Variants in CCDC171 observed in about 807,000 individuals in gnomAD.
CCDC171 encodes coiled-coil domain containing 171, also known as coiled-coil domain-containing protein 171.
Under a neutral mutation model 168.2 loss-of-function variants are expected in CCDC171, and 177 were observed. The ratio of observed to expected loss-of-function variants is 1.05; its 90% CI spans 0.93 to 1.19. The LOEUF (loss-of-function observed/expected upper bound fraction) is 1.19, where lower values mean the gene tolerates loss of function less well. CCDC171 is among the 50% of genes most tolerant of loss of function. The pLI, the probability that CCDC171 is intolerant of heterozygous loss-of-function variation, is 0.00. For synonymous variants in CCDC171, 687 were observed against 540.8 expected (o/e 1.27, Z -3.75); for missense variants, 1,991 against 1,539.0 (o/e 1.29, Z -4.91).
At chr9:15,959,920 G>T (rs1410437407) in intron 25 of CCDC171, among the ~76,000 whole-genome samples, 1 of 152,134 alleles carries the variant, frequency 6.6e-6, no homozygotes, top group East Asian at 1.9e-4. Flanking sequence ...ATGACAGAAA[G>T]GGAAGGATGG....
In CCDC171 at chr9:15,775,147, G is replaced by A. The variant is rs1032165587; in HGVS notation, c.2672-2453G>A. 7.2e-4 allele frequency among the ~76,000 whole-genome samples: 109 copies of A among 152,120 alleles called. 1 individual carries two copies. Among genetic ancestry groups the A allele is most frequent in the African/African-American group, 2.4e-3 (100 of 41,414 alleles). On this transcript the variant is annotated intron_variant, in intron 18 of 25. Transcript: ENST00000380701. ...TGTACTGTATAATGTGAACTATATT[G>A]TAAAAACACTTCTTATTATAGCATA...
chr9:15,920,984 C>A (rs1001166787), intron 25 of CCDC171, among the ~76,000 whole-genome samples: 1 of 151,244 alleles, frequency 6.6e-6, no homozygotes, highest in South Asian at 2.1e-4. Context: ...AATTTCTCTA[C>A]TTGAAATATA....
At chr9:15,888,857 AAT>A (rs1312690483) in intron 24 of CCDC171, 1 of 151,902 alleles carries the variant, frequency 6.6e-6, no homozygotes, top group African/African-American at 2.4e-5. Flanking sequence ...AAACCTGAGA[AAT>A]ATGTTTTTGA....
At chr9:15,700,772 C>T (rs954677421) in intron 11 of CCDC171, among the ~76,000 whole-genome samples, 3 of 152,178 alleles carry the variant, frequency 2.0e-5, no homozygotes, top group African/African-American at 7.2e-5. Flanking sequence ...AGGTGCATGC[C>T]ACCATGCCTG....
At chr9:15,925,082 G>A (rs187061279) in intron 25 of CCDC171, among the ~76,000 whole-genome samples, 4 of 151,686 alleles carry the variant, frequency 2.6e-5, no homozygotes, top group Admixed American at 6.6e-5. Flanking sequence ...AACCAAAACA[G>A]ACAATCCTTG....
intron 25 of CCDC171, among the ~76,000 whole-genome samples, chr9:15,946,622 T>C (rs1344604898): frequency 1.3e-5 from 2 of 151,888 alleles, no homozygotes; most frequent in Non-Finnish European, 2.9e-5. Context: ...TTCAATGCCA[T>C]CCCCATCAAG....
chr9:15,880,626 G>GTTTTTTTTT (rs57349228), intron 24 of CCDC171, among the ~76,000 whole-genome samples: 1 of 116,116 alleles, frequency 8.6e-6, no homozygotes, highest in Non-Finnish European at 1.8e-5. Context: ...CCGCCTAATT[G>GTTTTTTTTT]TTTTTTTTTT....
rs189776950 is a variant in CCDC171 at position 15,613,467 on chromosome 9, C to G, written c.676-9800C>G. Among the ~76,000 whole-genome samples the G allele has an allele frequency of 2.0e-5, 3 of 151,394 alleles. No homozygotes were observed. The East Asian group carries it at 5.8e-4, about 29-fold the overall frequency. Reference sequence around the variant, plus strand: ...TTGAAATAAATGTTATCTATACATACATTTAAGAAAGCTTAATAAAAACAA... The same window carrying G: ...TTGAAATAAATGTTATCTATACATAGATTTAAGAAAGCTTAATAAAAACAA... On this transcript the variant is annotated intron_variant, in intron 6 of 25. Coordinates refer to ENST00000380701, the MANE Select transcript of CCDC171 (RefSeq NM_173550.4).
chr9:16,025,893 C>G (rs890057520), intron 6 of CCDC171, among the ~76,000 whole-genome samples: 1 of 152,144 alleles, frequency 6.6e-6, no homozygotes, highest in Non-Finnish European at 1.5e-5. Context: ...CATGAATGCA[C>G]TAAAAGCCAC....
intron 23 of CCDC171, among the ~76,000 whole-genome samples, chr9:15,863,363 G>T (rs1260765782): frequency 6.6e-6 from 1 of 151,988 alleles, no homozygotes; most frequent in Non-Finnish European, 1.5e-5. Flanking sequence ...TCCATAAAGG[G>T]AATTGATATG....
chr9:15,680,469 C>G (rs928496538), intron 10 of CCDC171, among the ~76,000 whole-genome samples: 4 of 152,102 alleles, frequency 2.6e-5, no homozygotes, highest in Non-Finnish European at 5.9e-5. Context: ...AATTGGTCAC[C>G]AAATCAGTGC....
At chr9:15,787,545 TC>T (rs1446550786) in intron 21 of CCDC171, among the ~76,000 whole-genome samples, 1 of 152,132 alleles carries the variant, frequency 6.6e-6, no homozygotes, top group Non-Finnish European at 1.5e-5. Context: ...CTTCTGTTTC[TC>T]CGTCTCCTTT....
chr9:15,575,459 C>T (rs1343349141), intron 3 of CCDC171, among the ~76,000 whole-genome samples: 1 of 152,070 alleles, frequency 6.6e-6, no homozygotes, highest in Non-Finnish European at 1.5e-5. Flanking sequence ...CAGGTGTGAG[C>T]CACCGTACTC....
At chr9:16,090,043 C>G in the CCDC171 span, among the ~76,000 whole-genome samples, 2 of 152,080 alleles carry the variant, frequency 1.3e-5, no homozygotes, top group Non-Finnish European at 2.9e-5. Context: ...CCAGAAATAC[C>G]GTTTGACCCA....
At chr9:16,097,057 C>T in the CCDC171 span, among the ~76,000 whole-genome samples, 1 of 152,090 alleles carries the variant, frequency 6.6e-6, no homozygotes, top group Non-Finnish European at 1.5e-5. Flanking sequence ...CCTTGGAGAA[C>T]AGAGGAGGAG....
At chr9:16,098,083 T>C in the CCDC171 span, among the ~76,000 whole-genome samples, 1 of 152,216 alleles carries the variant, frequency 6.6e-6, no homozygotes, top group Non-Finnish European at 1.5e-5. Flanking sequence ...GCCAAGTGTT[T>C]TGTTCAATGC....
intron 12 of CCDC171, among the ~76,000 whole-genome samples, chr9:15,722,937 G>C (rs1201147457): frequency 1.3e-5 from 2 of 152,148 alleles, no homozygotes; most frequent in African/African-American, 4.8e-5. Flanking sequence ...AAGCTGCAGG[G>C]TAACTAGGAA....
chr9:16,065,809 GGTGTGTGTGTGTGT>G (rs113107786), downstream of CCDC171, among the ~76,000 whole-genome samples: 12 of 144,334 alleles, frequency 8.3e-5, no homozygotes, highest in Admixed American at 2.8e-4. Context: ...TTGTGTGCAT[GGTGTGTGTGTGTGT>G]GTGTGTGTGT....
chr9:15,776,646 C>G (rs2057344366), intron 18 of CCDC171, among the ~76,000 whole-genome samples: 1 of 152,190 alleles, frequency 6.6e-6, no homozygotes, highest in South Asian at 2.1e-4. Context: ...AACAGTGTCT[C>G]CATGAGACAG....
Sources: gnomAD v4.1 joint callset for allele counts (sites outside exome capture counted in the v4.1 genomes callset) on GRCh38, gnomAD v4.1.1 for gene constraint, MANE v1.5 for transcripts, NCBI Gene and HGNC (gene_info 2026-07-23, HGNC 2026-07-21) for gene names.